The following MED13L variants were observed in gnomAD, a reference collection of about 807,000 sequenced individuals.
MED13L encodes mediator of RNA polymerase II transcription subunit 13-like.
A neutral mutation model predicts 220.9 loss-of-function variants in MED13L; 7 were observed. The ratio of observed to expected loss-of-function variants is 0.03; its 90% CI spans 0.02 to 0.06. The LOEUF is 0.06. Ranked by LOEUF, MED13L falls within the 10% of genes least tolerant of loss-of-function variation. The pLI, the probability that MED13L is intolerant of heterozygous loss-of-function variation, is 1.00. For synonymous variants in MED13L, 1,011 were observed against 1,015.2 expected (o/e 1.00, Z 0.08); for missense variants, 1,965 against 2,760.5 (o/e 0.71, Z 6.46).
chr12:115,984,410 C>G (rs1877547086), intron 19 of MED13L, 38 bp from the exon 20 acceptor site: 1 of 1,606,384 alleles, frequency 6.2e-7, no homozygotes, highest in African/African-American at 1.3e-5. Flanking sequence ...ATAACAGGAG[C>G]CATTCCTTCA....
intron 2 of MED13L, among the ~76,000 whole-genome samples, chr12:116,190,329 G>C (rs989922184): frequency 6.6e-6 from 1 of 152,150 alleles, no homozygotes; most frequent in Non-Finnish European, 1.5e-5. Flanking sequence ...TTGATGGATT[G>C]TTATGGATTA....
chr12:116,116,004 C>T (rs538462954), intron 2 of MED13L, among the ~76,000 whole-genome samples: 2 of 152,264 alleles, frequency 1.3e-5, no homozygotes, highest in African/African-American at 2.4e-5. Context: ...CCCAATATCC[C>T]GTTGTAATAT....
chr12:116,050,631 T>G (rs1868406145), intron 4 of MED13L, among the ~76,000 whole-genome samples: 1 of 152,116 alleles, frequency 6.6e-6, no homozygotes, highest in Non-Finnish European at 1.5e-5. Flanking sequence ...CTAATTTAAG[T>G]GTATAAGGAA....
chr12:116,274,480 C>A (rs1565962481), intron 1 of MED13L, among the ~76,000 whole-genome samples: 1 of 148,030 alleles, frequency 6.8e-6, no homozygotes, highest in East Asian at 2.0e-4. Flanking sequence ...ATTATTAAAC[C>A]ATAAAGCGTT....
intron 4 of MED13L, among the ~76,000 whole-genome samples, chr12:116,071,132 T>C (rs938449829): frequency 6.6e-6 from 1 of 152,184 alleles, no homozygotes; most frequent in Non-Finnish European, 1.5e-5. Flanking sequence ...TTCATTACTT[T>C]AATGAATAAA....
At chr12:116,247,552 T>G (rs778087629) in intron 1 of MED13L, among the ~76,000 whole-genome samples, 1 of 152,218 alleles carries the variant, frequency 6.6e-6, no homozygotes, top group Non-Finnish European at 1.5e-5. Flanking sequence ...ATAGCTATGT[T>G]GCTGGCCAAG....
At chr12:116,152,400 C>A (rs900119046) in intron 2 of MED13L, among the ~76,000 whole-genome samples, 1 of 152,048 alleles carries the variant, frequency 6.6e-6, no homozygotes, top group African/African-American at 2.4e-5. Flanking sequence ...CTTGGACATA[C>A]GTGATTAAAG....
chr12:116,103,882 A>T (rs1366646347), intron 3 of MED13L, among the ~76,000 whole-genome samples: 1 of 151,654 alleles, frequency 6.6e-6, no homozygotes, highest in Non-Finnish European at 1.5e-5. Flanking sequence ...ATCACATTAT[A>T]CCCAACGACT....
At chr12:116,060,363 A>C (rs1258072107) in intron 4 of MED13L, among the ~76,000 whole-genome samples, 3 of 152,138 alleles carry the variant, frequency 2.0e-5, no homozygotes, top group Non-Finnish European at 4.4e-5. Context: ...AGATCACTTG[A>C]GGTCAGGAGT....
Position 116,185,660 on chromosome 12 carries a change from TTTCTTTTCTTTTCTTTTCTTTTC to T in MED13L, c.310+51785_310+51807del, listed in dbSNP as rs989258754. Among the ~76,000 whole-genome samples, 5 of 12,206 alleles carry T rather than the reference TTTCTTTTCTTTTCTTTTCTTTTC, an allele frequency of 4.1e-4. No homozygotes were observed. The Admixed American group carries it at 5.0e-3, about 12-fold the overall frequency. 8.0% of individuals were successfully genotyped at this position (12,206 alleles called of 152,430 possible). A position where few individuals can be genotyped will look rare whatever the true frequency, so the allele number is the denominator to read the frequency against. The stretch of plus-strand genomic sequence containing the variant: ...AATTTTTTTCATCACATGCTTTTCT[TTTCTTTTCTTTTCTTTTCTTTTC>T]TTTTCTTTTCTTTTCTTTTCTTTTC... On this transcript the variant is annotated intron_variant, in intron 2 of 30. Coordinates refer to ENST00000281928, the MANE Select transcript of MED13L (RefSeq NM_015335.5).
chr12:116,277,019 CTTCCCCGGCA>C, intron 1 of MED13L, 31 bp downstream of exon 1: 10 of 1,418,150 alleles, frequency 7.1e-6, no homozygotes, highest in Non-Finnish European at 9.7e-6. Flanking sequence ...GACCCCCCCC[CTTCCCCGGCA>C]CAGCCCCCTC....
chr12:116,001,792 T>C (rs968546774), intron 14 of MED13L, among the ~76,000 whole-genome samples: 5 of 152,262 alleles, frequency 3.3e-5, no homozygotes, highest in African/African-American at 1.2e-4. Context: ...TTTTGAATTT[T>C]GAGTAGCTTC....
intron 2 of MED13L, among the ~76,000 whole-genome samples, chr12:116,119,834 A>AT (rs1437759532): frequency 2.8e-3 from 267 of 94,468 alleles, no homozygotes; most frequent in East Asian, 0.01. Flanking sequence ...AAAAAAAAAA[A>AT]AAAAATATAT....
At chr12:116,202,761 T>C (rs1455524608) in intron 2 of MED13L, among the ~76,000 whole-genome samples, 1 of 152,194 alleles carries the variant, frequency 6.6e-6, no homozygotes, top group East Asian at 1.9e-4. Context: ...CTGGGGTTCT[T>C]CACGGTCAGC....
At chr12:116,055,887 C>A (rs1224422829) in intron 4 of MED13L, among the ~76,000 whole-genome samples, 1 of 151,468 alleles carries the variant, frequency 6.6e-6, no homozygotes, top group Non-Finnish European at 1.5e-5. Flanking sequence ...AGTGAGACTC[C>A]CCGTCTCCAA....
chr12:116,124,267 T>G (rs1875387329), intron 2 of MED13L, among the ~76,000 whole-genome samples: 1 of 152,098 alleles, frequency 6.6e-6, no homozygotes, highest in Admixed American at 6.6e-5. Flanking sequence ...CCTTGAGACC[T>G]GATGGGTACC....
intron 28 of MED13L, 151 bp from the exon 29 acceptor site, chr12:115,966,394 G>A: frequency 2.2e-6 from 2 of 889,756 alleles, no homozygotes; most frequent in East Asian, 2.6e-5. Context: ...AAGGTAAGCG[G>A]GGCCAGCATC....
intron 4 of MED13L, among the ~76,000 whole-genome samples, chr12:116,088,306 T>C (rs760634885): frequency 6.6e-6 from 1 of 152,118 alleles, no homozygotes; most frequent in East Asian, 1.9e-4. Flanking sequence ...GAATAGAAAT[T>C]CTGGAAAGAA....
At chr12:116,017,054 G>C (rs1475307954) in intron 7 of MED13L, among the ~76,000 whole-genome samples, 1 of 152,138 alleles carries the variant, frequency 6.6e-6, no homozygotes, top group African/African-American at 2.4e-5. Flanking sequence ...CCTATGATAT[G>C]AAAATTTAGG....
Sources: allele counts gnomAD v4.1 joint callset (sites outside exome capture counted in the v4.1 genomes callset), GRCh38; gene constraint gnomAD v4.1.1; transcripts MANE v1.5; gene names NCBI Gene and HGNC (gene_info 2026-07-23, HGNC 2026-07-21).